The following PHF19 variants were observed in gnomAD, a reference collection of about 807,000 sequenced individuals.
The protein encoded by PHF19 is polycomb like 3.
A neutral mutation model predicts 79.8 loss-of-function variants in PHF19; 21 were observed. That is an observed-to-expected ratio of 0.26 (90% CI 0.19 to 0.38). PHF19 has a LOEUF of 0.38. Among genes scored for constraint, PHF19 ranks in the 10% least tolerant of loss-of-function variants. PHF19 has a pLI of 1.00. For missense variants in PHF19, 445 were observed against 744.2 expected (o/e 0.60, Z 4.68); for synonymous variants, 273 against 296.3 (o/e 0.92, Z 0.81).
chr9:120,888,708 A>G (rs2131594656), intron 1 of PHF19, among the ~76,000 whole-genome samples: 1 of 152,278 alleles, frequency 6.6e-6, no homozygotes, highest in Admixed American at 6.5e-5. Flanking sequence ...AGGGTACTGA[A>G]GGTACACAGA....
chr9:120,866,955 G>T lies in PHF19; in HGVS notation c.625C>A (p.Arg209=), dbSNP rs768455197. The change falls in exon 7 of 15, where the codon CGG becomes AGG. Residue 209 remains arginine (R), a synonymous_variant. Coordinates refer to ENST00000373896, the MANE Select transcript of PHF19 (RefSeq NM_015651.3). This position sits in a 1 kb window ranked among gnomAD's most constrained non-coding sequence, Gnocchi z 5.2. ...CTGCACCGGTAACATTGCAGCATCCGCAGGTACCATCTGGAGAGACAGAGG... is the reference window on the plus strand; with the variant it reads ...CTGCACCGGTAACATTGCAGCATCCTCAGGTACCATCTGGAGAGACAGAGG... ...YCGGPGEWYL[R]MLQCYRCRQW... The T allele has an allele frequency of 2.5e-6, 4 of 1,606,074 alleles. No homozygotes were observed. The highest frequency in any genetic ancestry group is 3.4e-6 in the Non-Finnish European group (4 of 1,172,698).
chr9:120,885,922 T>A (rs1223674469), intron 1 of PHF19, among the ~76,000 whole-genome samples: 3 of 152,202 alleles, frequency 2.0e-5, no homozygotes, highest in African/African-American at 7.2e-5. Flanking sequence ...GTTGCCAGAA[T>A]TCCATGGCTC....
At position 120,866,148 on chromosome 9, in the gene PHF19, C is replaced by CA; in HGVS notation, c.711-53dup. 7.1e-6 allele frequency: 9 copies of CA among 1,272,666 alleles called. No homozygotes were observed. Among genetic ancestry groups the CA allele is most frequent in the Non-Finnish European group, 1.0e-5 (9 of 869,202 alleles). The allele number at this position is 1,272,666 out of a possible 1,614,324, so 78.8% of individuals were successfully genotyped here. A position where few individuals can be genotyped will look rare whatever the true frequency, so the allele number is the denominator to read the frequency against. On this transcript the variant is annotated intron_variant, in intron 7 of 14. Coordinates refer to ENST00000373896, the MANE Select transcript of PHF19 (RefSeq NM_015651.3). The surrounding 1 kb of genome is among the most constrained non-coding windows in gnomAD (Gnocchi z 5.2). Reference sequence around the variant, plus strand: ...ATGGTGGGAGGGGCTCTGACACCCCCACCCCAGTCCAGCCCCTTGATCTCC... The same window carrying CA: ...ATGGTGGGAGGGGCTCTGACACCCCCAACCCCAGTCCAGCCCCTTGATCTCC...
intron 1 of PHF19, among the ~76,000 whole-genome samples, chr9:120,892,174 C>G (rs1318253367): frequency 1.3e-5 from 2 of 152,204 alleles, no homozygotes; most frequent in Non-Finnish European, 2.9e-5. Flanking sequence ...ACAGCTCAGA[C>G]CAAACAAAAC....
In PHF19 at chr9:120,870,303, TG is replaced by T. The variant is rs1656863707; in HGVS notation, c.364+139del. ...TTCCCAAGCCCTCACTTACAGCAAC[TG>T]GCCCCCTTTCACCCTGCAGTGCCAA... On this transcript the variant is annotated intron_variant, in intron 4 of 14. Transcript: ENST00000373896. This position sits in a 1 kb window ranked among gnomAD's most constrained non-coding sequence, Gnocchi z 4.4. 2 of 677,572 alleles carry T rather than the reference TG, an allele frequency of 3.0e-6. No individual in the cohort carries two copies. Among genetic ancestry groups the T allele is most frequent in the Non-Finnish European group, 5.3e-6 (2 of 379,158 alleles). The allele number at this position is 677,572 out of a possible 1,614,324, so 42.0% of individuals were successfully genotyped here.
Position 120,860,009 on chromosome 9 carries a change from A to G in PHF19, c.1400+81T>C, listed in dbSNP as rs2131479509. The stretch of plus-strand genomic sequence containing the variant: ...CTGAGACACATAGAATGAGCCACAC[A>G]TTACAGAAGTGGGAGGTGGAGGGGC... On this transcript the variant is annotated intron_variant, in intron 14 of 14. Coordinates refer to ENST00000373896, the MANE Select transcript of PHF19 (RefSeq NM_015651.3). The surrounding 1 kb of genome is among the most constrained non-coding windows in gnomAD (Gnocchi z 4.1). The G allele has an allele frequency of 2.6e-6, 2 of 756,144 alleles. No homozygotes were observed. Among genetic ancestry groups the G allele is most frequent in the Non-Finnish European group, 2.4e-6 (1 of 422,790 alleles). The allele number at this position is 756,144 out of a possible 1,614,324, so 46.8% of individuals were successfully genotyped here.
At chr9:120,903,494 G>A in the PHF19 span, 3 of 152,268 alleles carry the variant, frequency 2.0e-5, no homozygotes, top group African/African-American at 4.8e-5. Flanking sequence ...GAACAGGAAG[G>A]GCTACTGACC....
At position 120,865,827 on chromosome 9, in the gene PHF19, C is replaced by T. The variant is rs2045681715; in HGVS notation, c.783G>A (p.Val261=). The part of the protein sequence containing the change: ...EYIERLPLRW[V]DVVHLALYNL... ...TATAGAGGGCCAGGTGAACCACATC[C>T]ACCCTGGGCAAGGGGGCAAGGAGGT... Residue 261 remains valine (V), a synonymous_variant, in exon 9 of 15, where the codon GTG becomes GTA. Coordinates refer to ENST00000373896, the MANE Select transcript of PHF19 (RefSeq NM_015651.3). The T allele has an allele frequency of 6.2e-7, 1 of 1,614,168 alleles. No individual in the cohort carries two copies. Among genetic ancestry groups the T allele is most frequent in the Non-Finnish European group, 8.5e-7 (1 of 1,180,006 alleles).
intron 6 of PHF19, among the ~76,000 whole-genome samples, chr9:120,867,313 C>G (rs1213965603): frequency 6.6e-6 from 1 of 152,240 alleles, no homozygotes; most frequent in Non-Finnish European, 1.5e-5. Flanking sequence ...GCCACCATTT[C>G]TGGACTTGCT....
At chr9:120,881,843 A>T (rs1327703902), upstream of PHF19, among the ~76,000 whole-genome samples, 1 of 151,762 alleles carries the variant, frequency 6.6e-6, no homozygotes, top group Non-Finnish European at 1.5e-5. Flanking sequence ...CTCACTGCAA[A>T]CTCTGCCTCC....
chr9:120,867,552 T>C (rs556008542), intron 6 of PHF19, among the ~76,000 whole-genome samples: 1 of 152,238 alleles, frequency 6.6e-6, no homozygotes, highest in African/African-American at 2.4e-5. Context: ...GCAGATTCCT[T>C]GGTCCACTGC....
rs775996323 is a variant in PHF19, at chr9:120,869,984, A to T, written c.365-39T>A. 6.5e-7 allele frequency: 1 copy of T among 1,544,852 alleles called. No individual in the cohort carries two copies. The highest frequency in any genetic ancestry group is 2.4e-5 in the East Asian group (1 of 41,102). On this transcript the variant is annotated intron_variant, in intron 4 of 14. Coordinates refer to ENST00000373896, the MANE Select transcript of PHF19 (RefSeq NM_015651.3). The surrounding 1 kb of genome is among the most constrained non-coding windows in gnomAD (Gnocchi z 5.8). Reference sequence around the variant, plus strand: ...GGGGGCGGTGAGCGCCCACAAGGACATCGTGGCCCAAGGCCAGTTGGCCCA... The same window carrying T: ...GGGGGCGGTGAGCGCCCACAAGGACTTCGTGGCCCAAGGCCAGTTGGCCCA...
intron 3 of PHF19, among the ~76,000 whole-genome samples, chr9:120,872,773 G>A (rs2045941582): frequency 6.7e-6 from 1 of 148,492 alleles, no homozygotes; most frequent in Non-Finnish European, 1.5e-5. Flanking sequence ...GCAACCTCCT[G>A]CCTCAGCCTC....
rs928753570 is a variant in PHF19 at position 120,892,750 on chromosome 9, GAAGTT to G, written c.42+2033_42+2037del. Among the ~76,000 whole-genome samples, 7 of 151,706 alleles carry G rather than the reference GAAGTT, an allele frequency of 4.6e-5. No individual in the cohort carries two copies. In the East Asian group the frequency reaches 5.8e-4, roughly 13 times the overall value. On this transcript the variant is annotated intron_variant, in intron 1 of 14. Coordinates refer to the PHF19 transcript ENST00000616568. ...ATTTTATGCTTGTATATCAAATAAAGAAGTTAAGTGCTTTCTGAAATAAGGCATGC... is the reference window on the plus strand; with the variant it reads ...ATTTTATGCTTGTATATCAAATAAAGAAGTGCTTTCTGAAATAAGGCATGC...
intron 10 of PHF19, among the ~76,000 whole-genome samples, chr9:120,863,603 G>C (rs373587375): frequency 1.3e-5 from 2 of 152,210 alleles, no homozygotes; most frequent in African/African-American, 2.4e-5. Flanking sequence ...AAAAGGCCTT[G>C]AGTGCCAGGT....
intron 1 of PHF19, among the ~76,000 whole-genome samples, chr9:120,890,102 T>C (rs6478484): frequency 0.69 from 104,219 of 152,104 alleles, 35,971 homozygotes; most frequent in Middle Eastern, 0.8. Context: ...CAGTGCCCAG[T>C]TCAAGACCTG....
rs2045711872 is a variant in PHF19, at chr9:120,866,687, C to T, written c.710+183G>A. Among the ~76,000 whole-genome samples the T allele has an allele frequency of 6.6e-6, 1 of 152,218 alleles. No homozygotes were observed. Among genetic ancestry groups the T allele is most frequent in the South Asian group, 2.1e-4 (1 of 4,834 alleles). ...GTGGCCCAGCATACTTCTTTATTGC[C>T]TCCTGGCCCTGCATAGCTAGGGGAT... On this transcript the variant is annotated intron_variant, in intron 7 of 14. Transcript: ENST00000373896. The surrounding 1 kb of genome is among the most constrained non-coding windows in gnomAD (Gnocchi z 5.2).
chr9:120,860,170 C>A lies in PHF19; in HGVS notation c.1320G>T (p.Gln440His). 1 of 1,586,928 alleles carries A rather than the reference C, an allele frequency of 6.3e-7. No homozygotes were observed. Among genetic ancestry groups the A allele is most frequent in the South Asian group, 1.1e-5 (1 of 87,250 alleles). Residue 440 changes from glutamine to histidine, a missense_variant, in exon 14 of 15, where the codon CAG becomes CAT. Around this residue, in one of 5 missense-constraint regions of PHF19, gnomAD observed 125 missense variants for 180.5 expected, o/e 0.69. Coordinates refer to ENST00000373896, the MANE Select transcript of PHF19 (RefSeq NM_015651.3). The surrounding 1 kb of genome is among the most constrained non-coding windows in gnomAD (Gnocchi z 4.1). The stretch of plus-strand genomic sequence containing the variant: ...TGGAGTCGACATCTGAGAAGAAGGT[C>A]TGGCCTGAGCTGGCACTGAGAGGGG... ...IQSLKSASSG[Q>H]TFFSDVDSTD...
At chr9:120,879,746 A>C (rs1293643615), upstream of PHF19, among the ~76,000 whole-genome samples, 1 of 152,216 alleles carries the variant, frequency 6.6e-6, no homozygotes, top group Non-Finnish European at 1.5e-5. Context: ...AGTAGCAATC[A>C]GTTAGGTTGT....
Sources: allele counts gnomAD v4.1 joint callset (sites outside exome capture counted in the v4.1 genomes callset), GRCh38; gene constraint gnomAD v4.1.1; regional missense constraint gnomAD v4.1.1; non-coding constraint Gnocchi (gnomAD v3.1); transcripts MANE v1.5; gene names NCBI Gene and HGNC (gene_info 2026-07-23, HGNC 2026-07-21).